The following DDC variants were observed in gnomAD, a reference collection of about 807,000 sequenced individuals.
DDC encodes the protein dopa decarboxylase.
DDC carries 43 observed loss-of-function variants against 60.0 expected under a neutral mutation model. The observed-to-expected ratio is 0.72, with a 90% CI of 0.56 to 0.92. DDC has a LOEUF of 0.92. Among genes scored for constraint, DDC ranks in the 40% least tolerant of loss-of-function variants. The probability of loss-of-function intolerance (pLI) is 0.00; values close to 1 mark genes in which losing one functional copy is unlikely to be tolerated. For synonymous variants in DDC, 232 were observed against 234.6 expected, an observed-to-expected ratio of 0.99 and a Z score of 0.10; for missense variants, 573 against 620.2, an observed-to-expected ratio of 0.92 and a Z score of 0.81.
intron 8 of DDC, among the ~76,000 whole-genome samples, chr7:50,497,943 T>C (rs1051108487): frequency 2.6e-5 from 4 of 152,188 alleles, no homozygotes; most frequent in Non-Finnish European, 4.4e-5. Flanking sequence ...TATTACAGCA[T>C]TATGAGAATT....
At chr7:50,532,784 G>A (rs759770500) in intron 4 of DDC, among the ~76,000 whole-genome samples, 1 of 152,178 alleles carries the variant, frequency 6.6e-6, no homozygotes, top group Non-Finnish European at 1.5e-5. Context: ...GGAATCATCT[G>A]CTGAAAAAAT....
intron 8 of DDC, among the ~76,000 whole-genome samples, chr7:50,496,064 A>G (rs374404390): frequency 4.0e-5 from 6 of 151,218 alleles, no homozygotes; most frequent in African/African-American, 1.5e-4. Flanking sequence ...CATATCAACA[A>G]TTCTCCTCAT....
At chr7:50,502,179 A>C (rs982530998) in intron 7 of DDC, among the ~76,000 whole-genome samples, 1 of 152,166 alleles carries the variant, frequency 6.6e-6, no homozygotes, top group African/African-American at 2.4e-5. Flanking sequence ...GCACAACCCC[A>C]AAAGCAACCT....
At chr7:50,554,651 C>A (rs1043695203) in intron 1 of DDC, among the ~76,000 whole-genome samples, 1 of 152,202 alleles carries the variant, frequency 6.6e-6, no homozygotes, top group Non-Finnish European at 1.5e-5. Context: ...GATGAGATAA[C>A]AGTCAGGGAC....
At chr7:50,492,862 A>T in intron 9 of DDC, 2 of 1,569,148 alleles carry the variant, frequency 1.3e-6, no homozygotes, top group Non-Finnish European at 1.7e-6. Flanking sequence ...ACTTGCTGGC[A>T]TCAGCTCTGC....
intron 13 of DDC, 94 bp from the exon 14 acceptor site, chr7:50,463,525 C>G: frequency 5.6e-6 from 6 of 1,068,332 alleles, no homozygotes; most frequent in Non-Finnish European, 7.3e-6. Flanking sequence ...GCAACCCTAC[C>G]GTACATCAGG....
In DDC at chr7:50,543,952, G is replaced by A. The variant is rs2044718776; in HGVS notation, c.134C>T (p.Ala45Val). The change falls in exon 2 of 15, where the codon GCT becomes GTT. Residue 45 changes from alanine (A) to valine (V), a missense_variant. Coordinates refer to ENST00000444124, the MANE Select transcript of DDC (RefSeq NM_001082971.2). Reference protein sequence around the residue: ...PGYLRPLIPAAAPQEPDTFED... With the variant: ...PGYLRPLIPAVAPQEPDTFED... Reference sequence around the variant, plus strand: ...AAACGTGTCTGGCTCCTGAGGGGCAGCGGCAGGGATCAGCGGCCGCAGGTA... The same window carrying A: ...AAACGTGTCTGGCTCCTGAGGGGCAACGGCAGGGATCAGCGGCCGCAGGTA... The A allele has an allele frequency of 5.6e-6, 9 of 1,614,212 alleles. No individual in the cohort carries two copies. Among genetic ancestry groups the A allele is most frequent in the Non-Finnish European group, 7.6e-6 (9 of 1,180,040 alleles).
intron 8 of DDC, among the ~76,000 whole-genome samples, chr7:50,496,688 C>T (rs932951536): frequency 1.3e-5 from 2 of 152,108 alleles, no homozygotes; most frequent in African/African-American, 2.4e-5. Context: ...TTTGGCCATG[C>T]GGCTGGATTC....
chr7:50,513,028 C>T (rs2043623057), intron 6 of DDC, among the ~76,000 whole-genome samples: 1 of 152,144 alleles, frequency 6.6e-6, no homozygotes, highest in East Asian at 1.9e-4. Context: ...CGTGTGGAGG[C>T]TCACATTTGT....
intron 1 of DDC, among the ~76,000 whole-genome samples, chr7:50,550,616 A>C (rs1199629517): frequency 6.6e-6 from 1 of 152,240 alleles, no homozygotes; most frequent in Non-Finnish European, 1.5e-5. Context: ...GACATCAATC[A>C]ATTTGAAAGA....
At chr7:50,550,204 G>A (rs908180782) in intron 1 of DDC, among the ~76,000 whole-genome samples, 2 of 152,196 alleles carry the variant, frequency 1.3e-5, no homozygotes, top group African/African-American at 4.8e-5. Context: ...ACCCTGACCA[G>A]TCAGCAGCCA....
intron 10 of DDC, among the ~76,000 whole-genome samples, chr7:50,477,412 T>A (rs2042670075): frequency 1.3e-5 from 2 of 152,178 alleles, no homozygotes; most frequent in East Asian, 1.9e-4. Context: ...TGGGAGTAGA[T>A]CCACGAATGT....
intron 6 of DDC, among the ~76,000 whole-genome samples, chr7:50,505,465 T>C (rs781583151): frequency 3.9e-5 from 6 of 152,244 alleles, no homozygotes; most frequent in Non-Finnish European, 8.8e-5. Flanking sequence ...CAATGCCATG[T>C]GTCCTGAGGA....
intron 1 of DDC, among the ~76,000 whole-genome samples, chr7:50,545,754 T>G (rs2044785131): frequency 6.6e-6 from 1 of 152,234 alleles, no homozygotes; most frequent in Non-Finnish European, 1.5e-5. Flanking sequence ...ATTACAGGCA[T>G]GAGCCACCGC....
At chr7:50,558,560 A>T (rs1486891265) in intron 1 of DDC, among the ~76,000 whole-genome samples, 1 of 152,218 alleles carries the variant, frequency 6.6e-6, no homozygotes, top group African/African-American at 2.4e-5. Context: ...GCAGTGCTCA[A>T]GCTCCTGATA....
At chr7:50,543,729 TCA>T (rs1402176575) in intron 2 of DDC, among the ~76,000 whole-genome samples, 154 bp downstream of exon 2, 2 of 152,202 alleles carry the variant, frequency 1.3e-5, no homozygotes, top group Admixed American at 1.3e-4. Flanking sequence ...TCTCTGAGCC[TCA>T]GTTTCCTCAG....
At chr7:50,479,745 C>A (rs774812091) in intron 10 of DDC, 42 bp downstream of exon 10, 2 of 1,575,878 alleles carry the variant, frequency 1.3e-6, no homozygotes, top group South Asian at 2.2e-5. Flanking sequence ...CTGAGGGGAA[C>A]AAGACCAGAA....
At chr7:50,549,142 C>T (rs900111018) in intron 1 of DDC, among the ~76,000 whole-genome samples, 5 of 152,166 alleles carry the variant, frequency 3.3e-5, no homozygotes, top group Non-Finnish European at 7.4e-5. Flanking sequence ...CCTGGTCACT[C>T]AAGAGCAAGA....
chr7:50,555,304 C>A (rs2045146310), intron 1 of DDC, among the ~76,000 whole-genome samples: 1 of 152,164 alleles, frequency 6.6e-6, no homozygotes, highest in Non-Finnish European at 1.5e-5. Flanking sequence ...GACAAGAGAT[C>A]TGTTGGAAAC....
Sources: allele counts gnomAD v4.1 joint callset (sites outside exome capture counted in the v4.1 genomes callset), GRCh38; gene constraint gnomAD v4.1.1; transcripts MANE v1.5; gene names NCBI Gene and HGNC (gene_info 2026-07-23, HGNC 2026-07-21).